Variants in WDR91 observed in about 807,000 individuals in gnomAD.
The protein encoded by WDR91 is WD repeat-containing protein 91.
WDR91 carries 52 observed loss-of-function variants against 88.4 expected under a neutral mutation model. The ratio of observed to expected loss-of-function variants is 0.59; its 90% CI spans 0.47 to 0.74. WDR91 has a LOEUF of 0.74. WDR91 is among the 30% of genes least tolerant of loss of function. The pLI, the probability that WDR91 is intolerant of heterozygous loss-of-function variation, is 0.00. For synonymous variants in WDR91, 362 were observed against 389.5 expected (o/e 0.93, Z 0.83); for missense variants, 824 against 954.5 (o/e 0.86, Z 1.80).
At position 135,207,152 on chromosome 7, in the gene WDR91, C is replaced by G. The variant is rs753704545; in HGVS notation, c.562G>C (p.Val188Leu). 2 of 1,608,278 alleles carry G rather than the reference C, an allele frequency of 1.2e-6. No homozygotes were observed. The highest frequency in any genetic ancestry group is 4.5e-5 in the East Asian group (2 of 44,660). ...CGCAGAACTTCATTTTCTTCTTGAACCTGGTTAGTCCTCTGACACTCCGCA... is the reference window on the plus strand; with the variant it reads ...CGCAGAACTTCATTTTCTTCTTGAAGCTGGTTAGTCCTCTGACACTCCGCA... ...FDAECQRTNQ[V>L]QEENEVLRQK... The change falls in exon 4 of 15, where the codon GTT becomes CTT. Residue 188 changes from valine (V) to leucine (L), a missense_variant. Coordinates refer to ENST00000354475, the MANE Select transcript of WDR91 (RefSeq NM_014149.4).
rs1831945440 is a variant in WDR91 at position 135,209,745 on chromosome 7, A to G, written c.134T>C (p.Ile45Thr). Residue 45 changes from isoleucine to threonine, a missense_variant, in exon 2 of 15, where the codon ATT becomes ACT. Ile to Thr is a moderately conservative substitution (Grantham distance 89). Coordinates refer to ENST00000354475, the MANE Select transcript of WDR91 (RefSeq NM_014149.4). ...DKEKGFRVDK[I>T]VDQLQQLMQV... is the part of the protein sequence containing the mutation. ...CATTAACTGCTGCAGCTGGTCCACA[A>G]TCTTATCCACCTGGCGAGAAACATG... The G allele has an allele frequency of 3.1e-6, 5 of 1,593,700 alleles. No individual in the cohort carries two copies. The highest frequency in any genetic ancestry group is 4.3e-6 in the Non-Finnish European group (5 of 1,168,614).
At chr7:135,193,486 G>A (rs1003151651) in intron 10 of WDR91, 87 bp from the exon 11 acceptor site, 1 of 1,610,774 alleles carries the variant, frequency 6.2e-7, no homozygotes, top group East Asian at 2.2e-5. Context: ...TCCTGCACAG[G>A]AGATGGGGCA....
intron 6 of WDR91, chr7:135,199,692 G>C (rs1232096384): frequency 6.6e-6 from 1 of 152,246 alleles, no homozygotes; most frequent in East Asian, 1.9e-4. Flanking sequence ...TGGGTCACAG[G>C]GGGATTCTGC....
chr7:135,187,232 A>T (rs1441047064), intron 13 of WDR91, 63 bp from the exon 14 acceptor site: 1 of 1,574,570 alleles, frequency 6.4e-7, no homozygotes, highest in Non-Finnish European at 8.7e-7. Flanking sequence ...GCCTCAAGGA[A>T]GAGCCAGGAC....
At chr7:135,186,336 G>A in intron 14 of WDR91, 21 bp from the exon 15 acceptor site, 1 of 1,607,010 alleles carries the variant, frequency 6.2e-7, no homozygotes, top group Non-Finnish European at 8.5e-7. Context: ...ACAGGAAAGA[G>A]GAGGAGGTGT....
intron 5 of WDR91, 170 bp from the exon 6 acceptor site, chr7:135,204,603 G>C (rs1831694046): frequency 1.5e-6 from 1 of 656,618 alleles, no homozygotes; most frequent in East Asian, 2.8e-5. Flanking sequence ...TGCACAAAGG[G>C]AGCCAGCAGC....
intron 2 of WDR91, among the ~76,000 whole-genome samples, 188 bp from the exon 3 acceptor site, chr7:135,209,186 A>C (rs1831924367): frequency 7.0e-6 from 1 of 142,898 alleles, no homozygotes; most frequent in African/African-American, 2.6e-5. Context: ...AGCTGGTTTA[A>C]GCTGAAGTTC....
rs1831691274 is a variant in WDR91, at chr7:135,204,495, A to C, written c.726-62T>G. 15 of 1,573,720 alleles carry C rather than the reference A, an allele frequency of 9.5e-6. No homozygotes were observed. In the South Asian group the frequency reaches 1.3e-4, roughly 13 times the overall value. ...AACAGGATGTGGAAAAACCAAGAAC[A>C]TAGACCTCCCGGGCTATGGATGACG... On this transcript the variant is annotated intron_variant, in intron 5 of 14. Coordinates refer to ENST00000354475, the MANE Select transcript of WDR91 (RefSeq NM_014149.4).
intron 1 of WDR91, chr7:135,210,923 G>A (rs990873583): frequency 1.3e-5 from 9 of 703,518 alleles, no homozygotes; most frequent in Non-Finnish European, 2.1e-5. Flanking sequence ...CAAAATTGCC[G>A]ATGAGTCCCT....
rs1222670730 is a variant in WDR91, at chr7:135,204,338, G to A, written c.821C>T (p.Ser274Leu). 6.2e-7 allele frequency: 1 copy of A among 1,614,076 alleles called. No homozygotes were observed. The highest frequency in any genetic ancestry group is 8.5e-7 in the Non-Finnish European group (1 of 1,180,044). Residue 274 changes from serine to leucine, a missense_variant, in exon 6 of 15, where the codon TCA becomes TTA. By Grantham distance (145) the Ser-to-Leu change is moderately radical (BLOSUM62 -2). Coordinates refer to ENST00000354475, the MANE Select transcript of WDR91 (RefSeq NM_014149.4). ...AGGGCCCTGAGCAGGCGACAACCTT[G>A]AGGGGCTCTTCTTACTCTGAGGCAG... Reference protein sequence around the residue: ...SLLPQSKKSPSRLSPAQGPPQ... With the variant: ...SLLPQSKKSPLRLSPAQGPPQ...
chr7:135,191,511 A>G (rs567470951), intron 11 of WDR91, among the ~76,000 whole-genome samples: 1 of 151,668 alleles, frequency 6.6e-6, no homozygotes, highest in East Asian at 1.9e-4. Context: ...AGGTTGAGGC[A>G]GAAGAATTGC....
At position 135,196,482 on chromosome 7, in the gene WDR91, G is replaced by A. The variant is rs531762001; in HGVS notation, c.1051-145C>T. On this transcript the variant is annotated intron_variant, in intron 7 of 14. Coordinates refer to ENST00000354475, the MANE Select transcript of WDR91 (RefSeq NM_014149.4). The surrounding 1 kb of genome is among the most constrained non-coding windows in gnomAD (Gnocchi z 4.2). ...TGGAGAGGAGAGCTCTGACCTGCGAGGGTAGTGCTCAGCTCACCCTGGGAG... is the reference window on the plus strand; with the variant it reads ...TGGAGAGGAGAGCTCTGACCTGCGAAGGTAGTGCTCAGCTCACCCTGGGAG... 9.1e-6 allele frequency: 7 copies of A among 766,808 alleles called. No individual in the cohort carries two copies. The African/African-American group carries it at 1.3e-4, about 14-fold the overall frequency. The allele number at this position is 766,808 out of a possible 1,614,324, so 47.5% of individuals were successfully genotyped here.
In WDR91 at chr7:135,196,097, G is replaced by T; in HGVS notation, c.1244+47C>A. 1 of 1,462,012 alleles carries T rather than the reference G, an allele frequency of 6.8e-7. No homozygotes were observed. Among genetic ancestry groups the T allele is most frequent in the South Asian group, 1.5e-5 (1 of 68,760 alleles). The allele number at this position is 1,462,012 out of a possible 1,614,324, so 90.6% of individuals were successfully genotyped here. ...GGCCACACCTCCACGTGTACTGCCT[G>T]AAAATCTGAGCTTCCCAGGGTTTCC... is the stretch of plus-strand genomic sequence containing the variant. On this transcript the variant is annotated intron_variant, in intron 8 of 14. Transcript: ENST00000354475. The surrounding 1 kb of genome is among the most constrained non-coding windows in gnomAD (Gnocchi z 4.2).
chr7:135,193,128 T>C lies in WDR91; in HGVS notation c.1659+103A>G, dbSNP rs1452184403. On this transcript the variant is annotated intron_variant, in intron 11 of 14. Transcript: ENST00000354475. The stretch of plus-strand genomic sequence containing the variant: ...TCAACACTCAAAACTTTATTAAAAA[T>C]CTGAGGAGACCAAAGCAAAAAGAGG... 3 of 1,481,666 alleles carry C rather than the reference T, an allele frequency of 2.0e-6. No individual in the cohort carries two copies. In the African/African-American group the frequency reaches 4.2e-5, roughly 21 times the overall value. 91.8% of individuals were successfully genotyped at this position (1,481,666 alleles called of 1,614,324 possible).
intron 6 of WDR91, among the ~76,000 whole-genome samples, chr7:135,202,848 G>A (rs1831621097): frequency 6.6e-6 from 1 of 152,218 alleles, no homozygotes; most frequent in African/African-American, 2.4e-5. Context: ...ATTCATAGGA[G>A]TAACCATGTT....
At chr7:135,209,979 TA>T in intron 1 of WDR91, 1 of 408,000 alleles carries the variant, frequency 2.5e-6, no homozygotes, top group Non-Finnish European at 4.3e-6. Context: ...ATTTCAGGTG[TA>T]AAAGGGCTCT....
chr7:135,194,973 C>A lies in WDR91; in HGVS notation c.1356G>T (p.Pro452=). The A allele has an allele frequency of 6.2e-7, 1 of 1,614,056 alleles. No individual in the cohort carries two copies. The change falls in exon 9 of 15, where the codon CCG becomes CCT. Residue 452 remains proline, a synonymous_variant. Coordinates refer to ENST00000354475, the MANE Select transcript of WDR91 (RefSeq NM_014149.4). ...QTKASSISKS[P]LLSLEWATKR... ...TGGTGGCCCATTCCAAAGACAGCAG[C>A]GGTGATTTGGAAATGGAGGATGCTT...
At position 135,198,357 on chromosome 7, in the gene WDR91, G is replaced by A. The variant is rs190506114; in HGVS notation, c.892-206C>T. 4 of 548,064 alleles carry A rather than the reference G, an allele frequency of 7.3e-6. No individual in the cohort carries two copies. The Admixed American group carries it at 1.3e-4, about 17-fold the overall frequency. The allele number at this position is 548,064 out of a possible 1,614,324, so 34.0% of individuals were successfully genotyped here. A position where few individuals can be genotyped will look rare whatever the true frequency, so the allele number is the denominator to read the frequency against. On this transcript the variant is annotated intron_variant, in intron 6 of 14. Coordinates refer to ENST00000354475, the MANE Select transcript of WDR91 (RefSeq NM_014149.4). ...CTGTCCTCTACCCGTTAAGAGGACAGGTCACCTGCAATCCTCATCCTGCGG... is the reference window on the plus strand; with the variant it reads ...CTGTCCTCTACCCGTTAAGAGGACAAGTCACCTGCAATCCTCATCCTGCGG...
At chr7:135,197,840 C>G (rs292581) in intron 7 of WDR91, 153 bp downstream of exon 7, 1 of 936,704 alleles carries the variant, frequency 1.1e-6, no homozygotes, top group Non-Finnish European at 1.5e-6. Flanking sequence ...AATGATGAAC[C>G]CAAATAACCA....
Sources: gnomAD v4.1 joint callset for allele counts (sites outside exome capture counted in the v4.1 genomes callset) on GRCh38, gnomAD v4.1.1 for gene constraint, Gnocchi (gnomAD v3.1) non-coding constraint, MANE v1.5 for transcripts, NCBI Gene and HGNC (gene_info 2026-07-23, HGNC 2026-07-21) for gene names.